PXT1: variants seen among roughly 807,000 people sequenced by gnomAD.
PXT1 encodes the protein peroxisomal testis-specific protein 1.
Under a neutral mutation model 11.0 loss-of-function variants are expected in PXT1, and 11 were observed. That is an observed-to-expected ratio of 1.00 (90% confidence interval 0.63 to 1.66). The LOEUF (loss-of-function observed/expected upper bound fraction) is 1.66. Ranked by LOEUF, PXT1 falls within the 40% of genes most tolerant of loss-of-function variation. The pLI, the probability that PXT1 is intolerant of heterozygous loss-of-function variation, is 0.00. For missense variants in PXT1, 141 were observed against 155.5 expected, an observed-to-expected ratio of 0.91 and a Z score of 0.49; for synonymous variants, 43 against 51.4, an observed-to-expected ratio of 0.84 and a Z score of 0.70.
chr6:36,438,635 G>A (rs1174056533), intron 2 of PXT1, 132 bp downstream of exon 2: 1 of 152,228 alleles, frequency 6.6e-6, no homozygotes, highest in Non-Finnish European at 1.5e-5. Flanking sequence ...TGTTAGCCGG[G>A]ATGGTCTTGA....
At chr6:36,437,907 C>T (rs983580487) in intron 2 of PXT1, among the ~76,000 whole-genome samples, 6 of 149,370 alleles carry the variant, frequency 4.0e-5, no homozygotes, top group South Asian at 2.1e-4. Flanking sequence ...GCACACTCCA[C>T]GTCCCGGGTT....
intron 3 of PXT1, among the ~76,000 whole-genome samples, chr6:36,420,187 A>G (rs1385492294): frequency 6.6e-6 from 1 of 152,220 alleles, no homozygotes; most frequent in Non-Finnish European, 1.5e-5. Flanking sequence ...TTATCTATCT[A>G]TCTATCAATC....
chr6:36,427,660 G>A (rs584418), intron 2 of PXT1, among the ~76,000 whole-genome samples: 65,431 of 151,894 alleles, frequency 0.43, 15,532 homozygotes, highest in African/African-American at 0.61. Context: ...ATTTCAACAT[G>A]TAATCAATAT....
At position 36,390,559 on chromosome 6, in the gene PXT1, T is replaced by C. The variant is rs1180970032; in HGVS notation, c.*1211A>G. On this transcript the variant is annotated 3_prime_UTR_variant, in exon 5 of 5. Coordinates refer to ENST00000454782, the MANE Select transcript of PXT1 (RefSeq NM_152990.4). ...AGAAATATGCACAGGGGTTTCATGC[T>C]CAATAAAATAACAATATTTATTTCA... is the stretch of plus-strand genomic sequence containing the variant. 1 of 152,214 alleles carries C rather than the reference T, an allele frequency of 6.6e-6. No individual in the cohort carries two copies. The highest frequency in any genetic ancestry group is 1.5e-5 in the Non-Finnish European group (1 of 68,034). The allele number at this position is 152,214 out of a possible 1,614,324, so 9.4% of individuals were successfully genotyped here. A position where few individuals can be genotyped will look rare whatever the true frequency, so the allele number is the denominator to read the frequency against.
At chr6:36,422,405 G>C (rs1774534982) in intron 3 of PXT1, among the ~76,000 whole-genome samples, 1 of 152,152 alleles carries the variant, frequency 6.6e-6, no homozygotes, top group Non-Finnish European at 1.5e-5. Flanking sequence ...GCATCTTGAG[G>C]GAAGCCTTCT....
At chr6:36,441,595 G>A (rs986902097) in intron 1 of PXT1, among the ~76,000 whole-genome samples, 1 of 152,130 alleles carries the variant, frequency 6.6e-6, no homozygotes, top group African/African-American at 2.4e-5. Flanking sequence ...ACTGACGCAA[G>A]CAGCAGGGAA....
intron 2 of PXT1, among the ~76,000 whole-genome samples, chr6:36,427,795 C>T (rs1354073189): frequency 6.6e-6 from 1 of 152,096 alleles, no homozygotes; most frequent in African/African-American, 2.4e-5. Context: ...TGCTCAGTAG[C>T]CACATGCAGC....
At chr6:36,413,681 C>T (rs1774407936) in intron 3 of PXT1, among the ~76,000 whole-genome samples, 1 of 151,970 alleles carries the variant, frequency 6.6e-6, no homozygotes, top group Non-Finnish European at 1.5e-5. Flanking sequence ...GAATTCTATG[C>T]CCAGCTAAAC....
At chr6:36,436,113 C>CAAAAAA (rs11294829) in intron 2 of PXT1, among the ~76,000 whole-genome samples, 3 of 60,092 alleles carry the variant, frequency 5.0e-5, no homozygotes, top group African/African-American at 1.2e-4. Context: ...AAAAGTAAGC[C>CAAAAAA]AAAAAAAAAA....
intron 2 of PXT1, among the ~76,000 whole-genome samples, chr6:36,428,477 G>A (rs949625848): frequency 6.6e-6 from 1 of 151,318 alleles, no homozygotes; most frequent in Admixed American, 6.6e-5. Flanking sequence ...GCTACCAGGC[G>A]AGTTTCTTAC....
At chr6:36,406,227 T>C (rs910397583) in intron 3 of PXT1, among the ~76,000 whole-genome samples, 34 of 152,116 alleles carry the variant, frequency 2.2e-4, no homozygotes, top group Non-Finnish European at 4.7e-4. Context: ...CAGGCCAAAG[T>C]GGATTGGATC....
At chr6:36,402,304 T>C (rs1774225441) in intron 3 of PXT1, among the ~76,000 whole-genome samples, 1 of 152,188 alleles carries the variant, frequency 6.6e-6, no homozygotes, top group African/African-American at 2.4e-5. Flanking sequence ...AGATGATATA[T>C]TCCCAAGTGC....
chr6:36,401,886 A>ATG (rs1034789747), intron 3 of PXT1, among the ~76,000 whole-genome samples: 1 of 148,532 alleles, frequency 6.7e-6, no homozygotes, highest in Admixed American at 6.8e-5. Flanking sequence ...TATATTATAT[A>ATG]TGTGTGTGTA....
At chr6:36,395,740 C>T (rs1158723078) in intron 4 of PXT1, among the ~76,000 whole-genome samples, 1 of 152,100 alleles carries the variant, frequency 6.6e-6, no homozygotes, top group African/African-American at 2.4e-5. Flanking sequence ...TGGCTCACGC[C>T]TGTAATCCTA....
intron 3 of PXT1, among the ~76,000 whole-genome samples, chr6:36,406,934 G>A (rs1489541619): frequency 2.6e-5 from 4 of 152,146 alleles, no homozygotes; most frequent in South Asian, 2.1e-4. Flanking sequence ...CTTTCTGGAG[G>A]TGACTGAAGT....
intron 2 of PXT1, among the ~76,000 whole-genome samples, chr6:36,438,395 T>A (rs1028157391): frequency 1.3e-5 from 2 of 152,178 alleles, no homozygotes; most frequent in African/African-American, 4.8e-5. Flanking sequence ...ATTGGATTAG[T>A]GCAACACTAT....
intron 4 of PXT1, among the ~76,000 whole-genome samples, chr6:36,397,255 C>T (rs1193598351): frequency 6.6e-6 from 1 of 152,130 alleles, no homozygotes. Flanking sequence ...AACACCAAGA[C>T]AATTTATAGG....
chr6:36,395,712 G>A (rs944547919), intron 4 of PXT1, among the ~76,000 whole-genome samples: 2 of 151,938 alleles, frequency 1.3e-5, no homozygotes, highest in African/African-American at 4.8e-5. Context: ...ATTTAAAGGT[G>A]TTCTAGGCTG....
intron 2 of PXT1, among the ~76,000 whole-genome samples, chr6:36,428,184 C>T (rs766813882): frequency 1.4e-4 from 21 of 152,114 alleles, no homozygotes; most frequent in Admixed American, 1.3e-3. Context: ...CGGTGGCTGA[C>T]GCCTGTAATT....
Sources: allele counts gnomAD v4.1 joint callset (sites outside exome capture counted in the v4.1 genomes callset), GRCh38; gene constraint gnomAD v4.1.1; transcripts MANE v1.5; gene names NCBI Gene and HGNC (gene_info 2026-07-23, HGNC 2026-07-21).